Variants in MTMR6 observed in about 807,000 individuals in gnomAD.
The protein encoded by MTMR6 is myotubularin related protein 6.
Under a neutral mutation model 80.1 loss-of-function variants are expected in MTMR6, and 47 were observed. That is an observed-to-expected ratio of 0.59 (90% CI 0.46 to 0.75). The LOEUF is 0.75. Ranked by LOEUF, MTMR6 falls within the 30% of genes least tolerant of loss-of-function variation. MTMR6 has a pLI of 0.00. For synonymous variants in MTMR6, 254 were observed against 253.0 expected (o/e 1.00, Z -0.04); for missense variants, 629 against 730.9 (o/e 0.86, Z 1.61).
chr13:25,286,183 C>T (rs1957951091), intron 1 of MTMR6, among the ~76,000 whole-genome samples: 1 of 151,920 alleles, frequency 6.6e-6, no homozygotes, highest in Admixed American at 6.6e-5. Flanking sequence ...AAGACAAGCT[C>T]CAATAAAAAT....
chr13:25,282,611 C>CTTTTTTT (rs778665309), intron 1 of MTMR6, among the ~76,000 whole-genome samples: 1 of 129,116 alleles, frequency 7.7e-6, no homozygotes, highest in Non-Finnish European at 1.6e-5. Context: ...TTTCTTTTTT[C>CTTTTTTT]TTTTTTTTTT....
chr13:25,265,972 C>A (rs117036095), intron 4 of MTMR6, 25 bp from the exon 5 acceptor site: 1 of 1,608,436 alleles, frequency 6.2e-7, no homozygotes, highest in Admixed American at 1.7e-5. Context: ...CAAAACATAA[C>A]CATTGTATTC....
At chr13:25,264,178 G>A (rs1423656128) in intron 5 of MTMR6, among the ~76,000 whole-genome samples, 1 of 151,354 alleles carries the variant, frequency 6.6e-6, no homozygotes, top group Admixed American at 6.6e-5. Flanking sequence ...AATAGGAAAA[G>A]CTCTCAGATA....
chr13:25,256,788 T>C (rs1002777715), intron 9 of MTMR6, among the ~76,000 whole-genome samples: 18 of 152,230 alleles, frequency 1.2e-4, no homozygotes, highest in African/African-American at 4.1e-4. Flanking sequence ...TAATTTTAAG[T>C]ACTCTTATTT....
intron 13 of MTMR6, 58 bp from the exon 14 acceptor site, chr13:25,249,550 T>C (rs1566033505): frequency 3.9e-6 from 6 of 1,533,978 alleles, no homozygotes; most frequent in Admixed American, 2.1e-5. Context: ...ATATGTTACA[T>C]GAAAAAAGAA....
chr13:25,274,465 T>C (rs1566042474), intron 1 of MTMR6, among the ~76,000 whole-genome samples: 1 of 152,110 alleles, frequency 6.6e-6, no homozygotes, highest in Non-Finnish European at 1.5e-5. Context: ...AGGGGTACAG[T>C]ACAAATAAGC....
intron 5 of MTMR6, among the ~76,000 whole-genome samples, chr13:25,265,012 G>C (rs973034191): frequency 6.6e-6 from 1 of 152,102 alleles, no homozygotes; most frequent in East Asian, 1.9e-4. Flanking sequence ...TTAACATACA[G>C]TACCTCTTGG....
In MTMR6 at chr13:25,257,632, A is replaced by C. The variant is rs1332340381; in HGVS notation, c.969+104T>G. Reference sequence around the variant, plus strand: ...GAAGCTCATTAAAGAGGTAAAAAATAATAAAAGTTATCTGATGAATAGATA... The same window carrying C: ...GAAGCTCATTAAAGAGGTAAAAAATCATAAAAGTTATCTGATGAATAGATA... On this transcript the variant is annotated intron_variant, in intron 8 of 13. Coordinates refer to ENST00000381801, the MANE Select transcript of MTMR6 (RefSeq NM_004685.5). 6.1e-6 allele frequency: 5 copies of C among 821,144 alleles called. No individual in the cohort carries two copies. The African/African-American group carries it at 8.6e-5, about 14-fold the overall frequency. 50.9% of individuals were successfully genotyped at this position (821,144 alleles called of 1,614,324 possible).
intron 1 of MTMR6, among the ~76,000 whole-genome samples, chr13:25,280,539 CT>C (rs1957821656): frequency 1.3e-5 from 2 of 152,172 alleles, no homozygotes; most frequent in Non-Finnish European, 2.9e-5. Context: ...ACTTAGTCAA[CT>C]TCTAAAAACC....
intron 2 of MTMR6, among the ~76,000 whole-genome samples, chr13:25,269,465 C>G (rs1957522670): frequency 6.6e-6 from 1 of 152,082 alleles, no homozygotes; most frequent in Non-Finnish European, 1.5e-5. Context: ...AAAATGCCTA[C>G]TTTTTCTTAA....
rs142752165 is a variant in MTMR6 at position 25,252,184 on chromosome 13, A to G, written c.1347-200T>C. 7.1e-3 allele frequency among the ~76,000 whole-genome samples: 1,075 copies of G among 152,130 alleles called. 11 individuals are homozygous for G. The highest frequency in any genetic ancestry group is 0.024 in the African/African-American group (1,004 of 41,560). On this transcript the variant is annotated intron_variant, in intron 11 of 13. Transcript: ENST00000381801. Reference sequence around the variant, plus strand: ...TCATTCATAATTAGGTAATAAAGTCATGTTTCTTGAACACAACACAGGTAT... The same window carrying G: ...TCATTCATAATTAGGTAATAAAGTCGTGTTTCTTGAACACAACACAGGTAT...
Position 25,273,986 on chromosome 13 carries a change from A to G in MTMR6, c.141+85T>C, listed in dbSNP as rs535258112. ...TGAGATAGGTAACCAATGATTAAAA[A>G]TTGTGTTATACACATTCAAAATAAA... On this transcript the variant is annotated intron_variant, in intron 2 of 13. Coordinates refer to ENST00000381801, the MANE Select transcript of MTMR6 (RefSeq NM_004685.5). 43 of 963,446 alleles carry G rather than the reference A, an allele frequency of 4.5e-5. No homozygotes were observed. The East Asian group carries it at 6.7e-4, about 15-fold the overall frequency. The allele number at this position is 963,446 out of a possible 1,614,324, so 59.7% of individuals were successfully genotyped here. A position where few individuals can be genotyped will look rare whatever the true frequency, so the allele number is the denominator to read the frequency against.
Position 25,267,669 on chromosome 13 carries a change from G to T in MTMR6, c.304+110C>A, listed in dbSNP as rs1019883640. 35 of 1,111,362 alleles carry T rather than the reference G, an allele frequency of 3.1e-5. No individual in the cohort carries two copies. The Admixed American group carries it at 5.8e-4, about 19-fold the overall frequency. 68.8% of individuals were successfully genotyped at this position (1,111,362 alleles called of 1,614,324 possible). On this transcript the variant is annotated intron_variant, in intron 3 of 13. Transcript: ENST00000381801. ...GGGGAGATAGAGTACAAAAGAACCT[G>T]ACTGTCAGAGCAAAAAAGGATAAAA...
At chr13:25,267,533 G>A (rs1371735243) in intron 3 of MTMR6, among the ~76,000 whole-genome samples, 2 of 152,118 alleles carry the variant, frequency 1.3e-5, no homozygotes, top group Non-Finnish European at 2.9e-5. Flanking sequence ...TAAACCTGTG[G>A]TTTTGTAAGT....
intron 1 of MTMR6, among the ~76,000 whole-genome samples, chr13:25,285,404 A>G (rs778357083): frequency 3.7e-5 from 2 of 53,914 alleles, no homozygotes; most frequent in East Asian, 6.4e-4. Context: ...CCCCCCCCCA[A>G]TTATGTCACC....
chr13:25,258,663 T>C lies in MTMR6; in HGVS notation c.756A>G (p.Gly252=). The change falls in exon 7 of 14, where the codon GGA becomes GGG. Residue 252 remains glycine, a synonymous_variant. Transcript: ENST00000381801. ...KLNAMANRAA[G]KGYENEDNYS... ...AGTTGTCTTCATTTTCATAACCTTT[T>C]CCAGCTGCTCTGTTGGCCATTGCAT... 1 of 1,588,732 alleles carries C rather than the reference T, an allele frequency of 6.3e-7. No homozygotes were observed. The highest frequency in any genetic ancestry group is 8.5e-7 in the Non-Finnish European group (1 of 1,173,206).
At position 25,248,373 on chromosome 13, in the gene MTMR6, T is replaced by G. The variant is rs1957022885; in HGVS notation, c.*859A>C. Reference sequence around the variant, plus strand: ...TAAACTTACACAGTTGTGAAAGAAATAAAGCCAACCACAAAATAAGAATCA... The same window carrying G: ...TAAACTTACACAGTTGTGAAAGAAAGAAAGCCAACCACAAAATAAGAATCA... On this transcript the variant is annotated 3_prime_UTR_variant, in exon 14 of 14. Coordinates refer to ENST00000381801, the MANE Select transcript of MTMR6 (RefSeq NM_004685.5). 1.3e-5 allele frequency: 2 copies of G among 152,084 alleles called. No homozygotes were observed. Among genetic ancestry groups the G allele is most frequent in the African/African-American group, 2.4e-5 (1 of 41,436 alleles). 9.4% of individuals were successfully genotyped at this position (152,084 alleles called of 1,614,324 possible). A position where few individuals can be genotyped will look rare whatever the true frequency, so the allele number is the denominator to read the frequency against.
At chr13:25,273,280 T>A (rs191821641) in intron 2 of MTMR6, among the ~76,000 whole-genome samples, 86 of 152,194 alleles carry the variant, frequency 5.7e-4, no homozygotes, top group Admixed American at 2.9e-3. Context: ...ATAATTTTAC[T>A]CCCAGACAAA....
rs1957139593 is a variant in MTMR6 at position 25,253,948 on chromosome 13, C to G, written c.1162G>C (p.Gly388Arg). The part of the protein sequence containing the change: ...KFSERCGQLD[G>R]DPKEVSPVFT... ...ACTGGTGAGACTTCCTTTGGGTCAC[C>G]ATCCAACTGGCCACACCTAACCCCA... The change falls in exon 11 of 14, where the codon GGT becomes CGT. Residue 388 changes from glycine to arginine, a missense_variant. By Grantham distance (125) the Gly-to-Arg change is moderately radical. Coordinates refer to ENST00000381801, the MANE Select transcript of MTMR6 (RefSeq NM_004685.5). 1.2e-6 allele frequency: 2 copies of G among 1,614,126 alleles called. No homozygotes were observed. Among genetic ancestry groups the G allele is most frequent in the Non-Finnish European group, 1.7e-6 (2 of 1,180,004 alleles).
Sources: gnomAD v4.1 joint callset for allele counts (sites outside exome capture counted in the v4.1 genomes callset) on GRCh38, gnomAD v4.1.1 for gene constraint, MANE v1.5 for transcripts, NCBI Gene and HGNC (gene_info 2026-07-23, HGNC 2026-07-21) for gene names.